DIAPH2: variants seen among roughly 807,000 people sequenced by gnomAD.
The protein encoded by DIAPH2 is diaphanous related formin 2.
A neutral mutation model predicts 92.7 loss-of-function variants in DIAPH2; 35 were observed. The observed-to-expected ratio is 0.38, with a 90% confidence interval of 0.29 to 0.50. The LOEUF (loss-of-function observed/expected upper bound fraction) is 0.50, where lower values mean the gene tolerates loss of function less well. DIAPH2 is among the 20% of genes least tolerant of loss of function. The pLI, the probability that DIAPH2 is intolerant of heterozygous loss-of-function variation, is 0.94. For missense variants in DIAPH2, 701 were observed against 819.5 expected (o/e 0.86, Z 1.77); for synonymous variants, 301 against 280.4 (o/e 1.07, Z -0.73).
intron 26 of DIAPH2, among the ~76,000 whole-genome samples, chrX:97,567,881 G>A (rs1178637394): frequency 1.8e-5 from 2 of 109,339 alleles, no homozygotes; most frequent in Non-Finnish European, 3.8e-5. Flanking sequence ...GAGGGAGGCC[G>A]AGGTGGGCAG....
intron 4 of DIAPH2, among the ~76,000 whole-genome samples, chrX:96,806,540 G>A (rs757741157): frequency 9.7e-6 from 1 of 103,106 alleles, no homozygotes; most frequent in African/African-American, 3.5e-5. Flanking sequence ...CAGCTACTTG[G>A]GAGGCTGAGG....
intron 23 of DIAPH2, among the ~76,000 whole-genome samples, chrX:97,293,428 T>C (rs1027805602): frequency 3.7e-5 from 4 of 109,372 alleles, no homozygotes; most frequent in African/African-American, 1.3e-4. Context: ...AATTTTTGTA[T>C]TTTTAGTGGA....
At chrX:96,921,333 ACTCT>A (rs978216137) in intron 9 of DIAPH2, among the ~76,000 whole-genome samples, 1 of 110,221 alleles carries the variant, frequency 9.1e-6, no homozygotes, top group Non-Finnish European at 1.9e-5. Flanking sequence ...ATCTTCATAC[ACTCT>A]CTCTTCATTG....
chrX:97,363,665 CAAA>C (rs35245894), intron 24 of DIAPH2, among the ~76,000 whole-genome samples: 326 of 17,764 alleles, frequency 0.018, no homozygotes, highest in African/African-American at 0.048. Context: ...GACTCTGCCT[CAAA>C]AAAAAAAAAA....
chrX:97,445,957 C>G (rs1390317556), intron 26 of DIAPH2, among the ~76,000 whole-genome samples: 4 of 108,997 alleles, frequency 3.7e-5, no homozygotes, highest in African/African-American at 6.7e-5. Flanking sequence ...CCAAATAAAC[C>G]CTCTCTTAAT....
intron 15 of DIAPH2, among the ~76,000 whole-genome samples, chrX:96,949,538 A>G (rs1185248328): frequency 9.1e-6 from 1 of 109,400 alleles, no homozygotes; most frequent in African/African-American, 3.3e-5. Context: ...TATGTCTTAA[A>G]TTAATATTAA....
intron 4 of DIAPH2, among the ~76,000 whole-genome samples, chrX:96,808,820 C>G (rs1569400779): frequency 9.0e-6 from 1 of 111,323 alleles, no homozygotes; most frequent in East Asian, 2.8e-4. Context: ...CTATTTTTAC[C>G]ATTTCTCTTA....
chrX:96,764,986 A>T (rs1455426303), intron 4 of DIAPH2, among the ~76,000 whole-genome samples: 2 of 110,695 alleles, frequency 1.8e-5, no homozygotes, highest in Non-Finnish European at 3.8e-5. Flanking sequence ...CTTAGTTCAG[A>T]CTGTCATCAT....
chrX:96,725,010 C>T (rs2064012416), intron 1 of DIAPH2, among the ~76,000 whole-genome samples: 1 of 111,447 alleles, frequency 9.0e-6, no homozygotes, highest in African/African-American at 3.3e-5. Context: ...TCTTACTCCA[C>T]TTCAATTATT....
At chrX:97,371,287 A>G (rs1242596240) in intron 24 of DIAPH2, among the ~76,000 whole-genome samples, 2 of 111,475 alleles carry the variant, frequency 1.8e-5, no homozygotes, top group Non-Finnish European at 3.8e-5. Context: ...CTTGGATCCC[A>G]TCCTTCCCCC....
intron 26 of DIAPH2, among the ~76,000 whole-genome samples, chrX:97,450,139 G>C (rs188133774): frequency 1.4e-3 from 154 of 111,173 alleles, no homozygotes; most frequent in African/African-American, 4.7e-3. Context: ...ATAAATAGTG[G>C]CTATTGGTCC....
intron 24 of DIAPH2, among the ~76,000 whole-genome samples, chrX:97,376,821 G>A (rs1157311591): frequency 1.8e-5 from 2 of 111,736 alleles, no homozygotes; most frequent in African/African-American, 6.5e-5. Context: ...TAGACTATAC[G>A]GTATACGTAA....
At chrX:97,574,911 A>G (rs2071391657) in intron 26 of DIAPH2, among the ~76,000 whole-genome samples, 1 of 111,817 alleles carries the variant, frequency 8.9e-6, no homozygotes, top group African/African-American at 3.2e-5. Context: ...ATAGGGATCT[A>G]TTATAAGAGC....
At chrX:97,033,783 C>A (rs959132335) in intron 17 of DIAPH2, among the ~76,000 whole-genome samples, 17 of 111,295 alleles carry the variant, frequency 1.5e-4, no homozygotes, top group African/African-American at 5.5e-4. Flanking sequence ...TATGTTCCAT[C>A]TATGTCTTGA....
intron 4 of DIAPH2, among the ~76,000 whole-genome samples, chrX:96,843,239 C>T (rs142080560): frequency 0.011 from 1,196 of 111,697 alleles, 22 homozygotes; most frequent in African/African-American, 0.036. Flanking sequence ...CCTGGTTCGC[C>T]TTCCACCATG....
At chrX:97,532,195 A>C (rs186339769) in intron 26 of DIAPH2, among the ~76,000 whole-genome samples, 10 of 113,063 alleles carry the variant, frequency 8.8e-5, no homozygotes, top group African/African-American at 2.9e-4. Context: ...TATTATCCAC[A>C]TCTTTTTGCA....
intron 23 of DIAPH2, among the ~76,000 whole-genome samples, chrX:97,296,079 A>G (rs1602487134): frequency 1.8e-5 from 2 of 111,041 alleles, no homozygotes; most frequent in Middle Eastern, 4.7e-3. Context: ...GTCACTTTCT[A>G]TTATTACCTT....
chrX:97,583,769 C>A (rs1337870492), intron 26 of DIAPH2, among the ~76,000 whole-genome samples: 8 of 111,022 alleles, frequency 7.2e-5, no homozygotes, highest in East Asian at 2.9e-4. Flanking sequence ...GCCCCTCCCC[C>A]AGCCTCGCTG....
intron 9 of DIAPH2, among the ~76,000 whole-genome samples, chrX:96,928,655 C>T (rs1246199027): frequency 9.1e-6 from 1 of 110,401 alleles, no homozygotes; most frequent in Non-Finnish European, 1.9e-5. Context: ...CATGTTTATT[C>T]ATCTGTTATT....
Sources: allele counts gnomAD v4.1 joint callset (sites outside exome capture counted in the v4.1 genomes callset), GRCh38; gene constraint gnomAD v4.1.1; transcripts MANE v1.5; gene names NCBI Gene and HGNC (gene_info 2026-07-23, HGNC 2026-07-21).